Variants in STXBP5L observed in about 807,000 individuals in gnomAD.
STXBP5L encodes syntaxin-binding protein 5-like.
A neutral mutation model predicts 144.5 loss-of-function variants in STXBP5L; 65 were observed. The ratio of observed to expected loss-of-function variants is 0.45; its 90% CI spans 0.37 to 0.55. The LOEUF is 0.55. Ranked by LOEUF, STXBP5L falls within the 20% of genes least tolerant of loss-of-function variation. STXBP5L has a pLI of 0.00. For missense variants in STXBP5L, 1,298 were observed against 1,405.5 expected (o/e 0.92, Z 1.22); for synonymous variants, 505 against 469.6 (o/e 1.08, Z -0.97).
intron 4 of STXBP5L, among the ~76,000 whole-genome samples, chr3:121,044,835 CTT>C (rs565802691): frequency 3.2e-4 from 48 of 152,202 alleles, no homozygotes; most frequent in Middle Eastern, 3.4e-3. Context: ...TAAAAGGAAT[CTT>C]AGTATAATTT....
intron 7 of STXBP5L, among the ~76,000 whole-genome samples, chr3:121,138,911 A>G (rs1300488277): frequency 6.6e-6 from 1 of 152,026 alleles, no homozygotes; most frequent in Non-Finnish European, 1.5e-5. Flanking sequence ...ATGAGATTAT[A>G]TCACACACAA....
chr3:120,983,465 C>T (rs1012609184), intron 3 of STXBP5L, among the ~76,000 whole-genome samples: 2 of 152,124 alleles, frequency 1.3e-5, no homozygotes, highest in Non-Finnish European at 2.9e-5. Flanking sequence ...GTGGCTGGGG[C>T]AGTGATACTG....
chr3:121,221,937 G>A (rs1321682259), intron 10 of STXBP5L, among the ~76,000 whole-genome samples: 1 of 151,724 alleles, frequency 6.6e-6, no homozygotes, highest in Non-Finnish European at 1.5e-5. Flanking sequence ...CACTGATAAT[G>A]TTTGGCGCCA....
Position 121,099,605 on chromosome 3 carries a change from G to C in STXBP5L, c.471-15320G>C, listed in dbSNP as rs74928652. The C allele has an allele frequency of 4.0e-3, 612 of 153,142 alleles. 1 individual carries two copies. Among genetic ancestry groups the C allele is most frequent in the Non-Finnish European group, 6.5e-3 (445 of 68,012 alleles). The allele number at this position is 153,142 out of a possible 1,614,324, so 9.5% of individuals were successfully genotyped here. A position where few individuals can be genotyped will look rare whatever the true frequency, so the allele number is the denominator to read the frequency against. On this transcript the variant is annotated intron_variant, in intron 5 of 26. Coordinates refer to ENST00000471454, the MANE Select transcript of STXBP5L (RefSeq NM_001308330.2). ...GAGGGAACACTTCTGAGTGTAACTG[G>C]TGTAGAAAAGACATCCATACTCTGC... is the stretch of plus-strand genomic sequence containing the variant.
At chr3:121,050,990 G>C (rs1187904070) in intron 5 of STXBP5L, among the ~76,000 whole-genome samples, 2 of 152,090 alleles carry the variant, frequency 1.3e-5, no homozygotes, top group African/African-American at 2.4e-5. Flanking sequence ...GAAAAAGAAG[G>C]CCATTACATA....
chr3:121,126,907 G>C (rs1010420763), intron 7 of STXBP5L, among the ~76,000 whole-genome samples: 1 of 152,148 alleles, frequency 6.6e-6, no homozygotes, highest in African/African-American at 2.4e-5. Flanking sequence ...AAATCCAACA[G>C]CATAGTATCT....
intron 5 of STXBP5L, among the ~76,000 whole-genome samples, chr3:121,094,405 C>G (rs1319059038): frequency 1.3e-5 from 2 of 152,064 alleles, no homozygotes; most frequent in Admixed American, 1.3e-4. Context: ...GTGTGGGAGT[C>G]TAAGTCTCTT....
chr3:121,301,156 A>G (rs1424257798), intron 19 of STXBP5L, among the ~76,000 whole-genome samples: 1 of 152,036 alleles, frequency 6.6e-6, no homozygotes, highest in Non-Finnish European at 1.5e-5. Flanking sequence ...CATTTTCACG[A>G]TATTGATTCT....
At chr3:121,282,281 G>A (rs201266367) in intron 19 of STXBP5L, 44 of 1,611,722 alleles carry the variant, frequency 2.7e-5, no homozygotes, top group African/African-American at 2.3e-4. Flanking sequence ...TTTTGCATGC[G>A]TGGCCTGTCT....
chr3:121,317,392 C>T (rs958475912), intron 19 of STXBP5L, among the ~76,000 whole-genome samples: 1 of 152,158 alleles, frequency 6.6e-6, no homozygotes, highest in Admixed American at 6.5e-5. Flanking sequence ...TATAGTTTCT[C>T]ACTTATAAAA....
chr3:121,139,056 C>G (rs1477913560), intron 7 of STXBP5L, among the ~76,000 whole-genome samples: 1 of 151,866 alleles, frequency 6.6e-6, no homozygotes, highest in African/African-American at 2.4e-5. Flanking sequence ...ATTAAAGTAG[C>G]ATTGTCGTTA....
At chr3:121,058,404 T>C (rs925980894) in intron 5 of STXBP5L, among the ~76,000 whole-genome samples, 5 of 152,228 alleles carry the variant, frequency 3.3e-5, no homozygotes, top group Non-Finnish European at 7.3e-5. Flanking sequence ...GTTGCAAGTC[T>C]TTGCTACTGT....
chr3:121,130,555 A>G (rs1402797214), intron 7 of STXBP5L, among the ~76,000 whole-genome samples: 1 of 152,098 alleles, frequency 6.6e-6, no homozygotes, highest in Non-Finnish European at 1.5e-5. Flanking sequence ...CAGAGGAGGA[A>G]AGAAGTTATG....
chr3:120,996,253 G>T (rs981628529), intron 3 of STXBP5L, among the ~76,000 whole-genome samples: 3 of 151,608 alleles, frequency 2.0e-5, no homozygotes, highest in Non-Finnish European at 4.4e-5. Flanking sequence ...ATCTTATTTG[G>T]TGTTTACGCA....
intron 3 of STXBP5L, among the ~76,000 whole-genome samples, chr3:121,004,219 A>G (rs1035289681): frequency 1.2e-4 from 18 of 151,860 alleles, no homozygotes; most frequent in African/African-American, 4.4e-4. Context: ...ATCCTCTTTT[A>G]TTTCATCGAG....
intron 22 of STXBP5L, among the ~76,000 whole-genome samples, chr3:121,383,985 A>G (rs935855796): frequency 3.3e-5 from 5 of 152,146 alleles, no homozygotes; most frequent in Non-Finnish European, 7.4e-5. Flanking sequence ...CTGACCTTGA[A>G]TGCATCTTTT....
At chr3:120,964,269 C>G (rs149969990) in intron 3 of STXBP5L, among the ~76,000 whole-genome samples, 6,084 of 152,134 alleles carry the variant, frequency 0.04, 170 homozygotes, top group Middle Eastern at 0.082. Flanking sequence ...GTGTCTCTAT[C>G]TCCTTCAGTT....
chr3:121,147,501 T>G (rs1049630182), intron 7 of STXBP5L, among the ~76,000 whole-genome samples: 5 of 152,142 alleles, frequency 3.3e-5, no homozygotes, highest in Non-Finnish European at 7.4e-5. Context: ...ATTACATTTC[T>G]TAAAAAGTGA....
chr3:121,394,981 C>T (rs565156784), intron 22 of STXBP5L, among the ~76,000 whole-genome samples: 97 of 151,970 alleles, frequency 6.4e-4, no homozygotes, highest in Non-Finnish European at 7.5e-4. Context: ...CTTCATTTAC[C>T]CTTTTGTCAT....
Sources: allele counts gnomAD v4.1 joint callset (sites outside exome capture counted in the v4.1 genomes callset), GRCh38; gene constraint gnomAD v4.1.1; transcripts MANE v1.5; gene names NCBI Gene and HGNC (gene_info 2026-07-23, HGNC 2026-07-21).